Variants in VWA5A observed in about 807,000 individuals in gnomAD.
VWA5A encodes von Willebrand factor A domain containing 5A, also known as von Willebrand factor A domain-containing protein 5A.
Under a neutral mutation model 84.6 loss-of-function variants are expected in VWA5A, and 77 were observed. That is an observed-to-expected ratio of 0.91 (90% CI 0.76 to 1.10). The LOEUF is 1.10. Among genes scored for constraint, VWA5A ranks in the 50% least tolerant of loss-of-function variants. The pLI, the probability that VWA5A is intolerant of heterozygous loss-of-function variation, is 0.00. For synonymous variants in VWA5A, 334 were observed against 350.1 expected, an observed-to-expected ratio of 0.95 and a Z score of 0.51; for missense variants, 973 against 963.0, an observed-to-expected ratio of 1.01 and a Z score of -0.14.
chr11:124,120,337 A>C (rs1290571623), intron 7 of VWA5A, among the ~76,000 whole-genome samples: 2 of 152,178 alleles, frequency 1.3e-5, no homozygotes, highest in African/African-American at 4.8e-5. Flanking sequence ...TTTCGGTGAC[A>C]CAGGACTGGA....
intron 11 of VWA5A, among the ~76,000 whole-genome samples, chr11:124,131,544 A>T (rs903476157): frequency 7.2e-5 from 11 of 151,990 alleles, no homozygotes; most frequent in South Asian, 2.1e-4. Flanking sequence ...TTTTTATTAA[A>T]TTGTTTCCCT....
At chr11:124,136,456 C>A in intron 13 of VWA5A, 118 bp from the exon 14 acceptor site, 1 of 1,423,044 alleles carries the variant, frequency 7.0e-7, no homozygotes, top group South Asian at 1.3e-5. Flanking sequence ...CCTAGGCTAC[C>A]TGATTCTTCA....
chr11:124,123,728 AC>A lies in VWA5A; in HGVS notation c.1090del (p.Leu364Ter). On this transcript the variant is annotated frameshift_variant, in exon 10 of 19. Transcript: ENST00000456829. LOFTEE classifies it high-confidence loss of function. Reference protein sequence around the residue: ...ALGRVKLMQADLGGTEILAPL... With the variant: ...ALGRVKLMQAXLGGTEILAPL... ...GGGAGAGTGAAGCTTATGCAGGCCG[AC>A]CTAGGGGGCACTGAAATCTTGGCAC... The A allele has an allele frequency of 6.2e-7, 1 of 1,611,790 alleles. No homozygotes were observed. Among genetic ancestry groups the A allele is most frequent in the Non-Finnish European group, 8.5e-7 (1 of 1,179,262 alleles).
At chr11:124,138,763 C>A (rs10437698) in intron 15 of VWA5A, among the ~76,000 whole-genome samples, 14,487 of 152,174 alleles carry the variant, frequency 0.095, 690 homozygotes, top group African/African-American at 0.11. Flanking sequence ...TGATTGTTTT[C>A]TTTGCTATAC....
rs140030920 is a variant in VWA5A at position 124,123,663 on chromosome 11, G to C, written c.1023G>C (p.Glu341Asp). The change falls in exon 10 of 19, where the codon GAG becomes GAC. Residue 341 changes from glutamate (E) to aspartate (D), a missense_variant. Glu to Asp is a conservative substitution (Grantham distance 45). Transcript: ENST00000456829. ...FGSSYEACFP[E>D]SVKYTQQTME... ...TGGGTGTGTTTGTTTTTCTCAGGGA[G>C]AGTGTGAAGTACACTCAGCAAACAA... is the stretch of plus-strand genomic sequence containing the variant. The C allele has an allele frequency of 4.8e-5, 78 of 1,614,004 alleles. No homozygotes were observed. Among genetic ancestry groups the C allele is most frequent in the Non-Finnish European group, 6.4e-5 (75 of 1,180,030 alleles).
At chr11:124,136,925 C>G in intron 14 of VWA5A, 90 bp from the exon 15 acceptor site, 1 of 1,497,032 alleles carries the variant, frequency 6.7e-7, no homozygotes. Flanking sequence ...TTTATCTTAA[C>G]TCTTCTATTC....
intron 15 of VWA5A, among the ~76,000 whole-genome samples, chr11:124,139,686 G>GCT (rs36114569): frequency 5.4e-5 from 8 of 147,846 alleles, no homozygotes; most frequent in Non-Finnish European, 9.0e-5. Context: ...TTTAACAGGT[G>GCT]TTTTTTTTTT....
rs1371746725 is a variant in VWA5A, at chr11:124,146,696, G to A, written c.*751G>A. 1 of 152,152 alleles carries A rather than the reference G, an allele frequency of 6.6e-6. No homozygotes were observed. The highest frequency in any genetic ancestry group is 2.4e-5 in the African/African-American group (1 of 41,390). 9.4% of individuals were successfully genotyped at this position (152,152 alleles called of 1,614,324 possible). ...GTCCTCTAAGTCAGGCCCTGATCTA[G>A]TGCAGTAAAGGGAAGGGTGGGCTTA... is the stretch of plus-strand genomic sequence containing the variant. On this transcript the variant is annotated 3_prime_UTR_variant, in exon 19 of 19. Transcript: ENST00000456829.
At chr11:124,142,018 T>G (rs886142277) in intron 16 of VWA5A, among the ~76,000 whole-genome samples, 5 of 152,010 alleles carry the variant, frequency 3.3e-5, no homozygotes, top group Admixed American at 2.0e-4. Flanking sequence ...TACCCAGGAG[T>G]TCATCTGTTT....
chr11:124,117,480 A>T lies in VWA5A; in HGVS notation c.-15-17A>T. 2.5e-6 allele frequency: 4 copies of T among 1,613,470 alleles called. No homozygotes were observed. Among genetic ancestry groups the T allele is most frequent in the Non-Finnish European group, 3.4e-6 (4 of 1,179,428 alleles). On this transcript the variant is annotated splice_polypyrimidine_tract_variant and intron_variant, in intron 2 of 18. Transcript: ENST00000456829. Reference sequence around the variant, plus strand: ...ACTTCCAACATGTCCTCTGTTTGTGATATGTCTTTTCTGCAGAAATCTTGC... The same window carrying T: ...ACTTCCAACATGTCCTCTGTTTGTGTTATGTCTTTTCTGCAGAAATCTTGC...
intron 15 of VWA5A, among the ~76,000 whole-genome samples, chr11:124,138,520 T>A (rs2137660637): frequency 6.6e-6 from 1 of 152,366 alleles, no homozygotes; most frequent in Middle Eastern, 3.4e-3. Context: ...GGTTTTGATT[T>A]GCAATTTCCT....
chr11:124,126,103 G>A (rs371587761), intron 11 of VWA5A, among the ~76,000 whole-genome samples: 5 of 152,218 alleles, frequency 3.3e-5, no homozygotes, highest in South Asian at 2.1e-4. Context: ...TCATCTAGAC[G>A]TGTGCTAGAA....
chr11:124,115,749 TTTTAC>T, intron 1 of VWA5A: 1 of 152,392 alleles, frequency 6.6e-6, no homozygotes, highest in African/African-American at 2.4e-5. Context: ...TTTCCTTCTC[TTTTAC>T]TTTACTTTTT....
At chr11:124,130,447 A>G (rs568834993) in intron 11 of VWA5A, among the ~76,000 whole-genome samples, 1 of 152,264 alleles carries the variant, frequency 6.6e-6, no homozygotes, top group East Asian at 1.9e-4. Flanking sequence ...AGAAGAATGT[A>G]TATTCTGTTG....
In VWA5A at chr11:124,146,626, T is replaced by G. The variant is rs1290703859; in HGVS notation, c.*681T>G. 2.0e-5 allele frequency: 3 copies of G among 152,258 alleles called. No homozygotes were observed. 9.4% of individuals were successfully genotyped at this position (152,258 alleles called of 1,614,324 possible). ...GTTCCTCTTTAATCATGAAACACCTTAAGAAGTCTATAATGCAATCCTTAG... is the reference window on the plus strand; with the variant it reads ...GTTCCTCTTTAATCATGAAACACCTGAAGAAGTCTATAATGCAATCCTTAG... On this transcript the variant is annotated 3_prime_UTR_variant, in exon 19 of 19. Transcript: ENST00000456829.
chr11:124,123,185 A>G, intron 8 of VWA5A, 56 bp downstream of exon 8: 1 of 1,577,380 alleles, frequency 6.3e-7, no homozygotes, highest in Non-Finnish European at 8.6e-7. Context: ...GATGAATCTG[A>G]GGGGTTAAAT....
At chr11:124,116,300 A>C (rs1591353982) in intron 1 of VWA5A, 1 of 152,244 alleles carries the variant, frequency 6.6e-6, no homozygotes, top group African/African-American at 2.4e-5. Flanking sequence ...GACCCAAACT[A>C]ATTTTGTTTG....
rs552924303 is a variant in VWA5A at position 124,147,290 on chromosome 11, G to C, written c.*1345G>C. On this transcript the variant is annotated 3_prime_UTR_variant, in exon 19 of 19. Coordinates refer to ENST00000456829, the MANE Select transcript of VWA5A (RefSeq NM_001130142.2). ...CCATACCCTTAAATAGTTATGTGATGATGGGCAAATGATTTCACCCTCAGG... is the reference window on the plus strand; with the variant it reads ...CCATACCCTTAAATAGTTATGTGATCATGGGCAAATGATTTCACCCTCAGG... 8.5e-5 allele frequency: 13 copies of C among 152,226 alleles called. No individual in the cohort carries two copies. Among genetic ancestry groups the C allele is most frequent in the East Asian group, 1.9e-4 (1 of 5,206 alleles). The allele number at this position is 152,226 out of a possible 1,614,324, so 9.4% of individuals were successfully genotyped here. A position where few individuals can be genotyped will look rare whatever the true frequency, so the allele number is the denominator to read the frequency against.
At position 124,136,702 on chromosome 11, in the gene VWA5A, T is replaced by TTCCC. The variant is rs746432973; in HGVS notation, c.1625+31_1625+32insCTCC. On this transcript the variant is annotated intron_variant, in intron 14 of 18. Coordinates refer to ENST00000456829, the MANE Select transcript of VWA5A (RefSeq NM_001130142.2). ...GAGAATTCAGTTTTCCCTTCCTTCC[T>TTCCC]TCCTTCCTTCCTTCCTTCCTTCCTT... 5.5e-4 allele frequency: 366 copies of TTCCC among 667,422 alleles called. 2 individuals carry two copies. Among genetic ancestry groups the TTCCC allele is most frequent in the South Asian group, 4.9e-3 (270 of 55,006 alleles). The allele number at this position is 667,422 out of a possible 1,614,324, so 41.3% of individuals were successfully genotyped here.
Sources: allele counts gnomAD v4.1 joint callset (sites outside exome capture counted in the v4.1 genomes callset), GRCh38; gene constraint gnomAD v4.1.1; transcripts MANE v1.5; gene names NCBI Gene and HGNC (gene_info 2026-07-23, HGNC 2026-07-21).